FLNB: variants seen among roughly 807,000 people sequenced by gnomAD.
FLNB encodes filamin B.
Under a neutral mutation model 250.6 loss-of-function variants are expected in FLNB, and 111 were observed. The ratio of observed to expected loss-of-function variants is 0.44; its 90% CI spans 0.38 to 0.52. FLNB has a LOEUF of 0.52. Ranked by LOEUF, FLNB falls within the 20% of genes least tolerant of loss-of-function variation. FLNB has a pLI of 0.00. For synonymous variants in FLNB, 1,302 were observed against 1,372.1 expected (o/e 0.95, Z 1.13); for missense variants, 2,869 against 3,447.8 (o/e 0.83, Z 4.20).
At position 58,146,810 on chromosome 3, in the gene FLNB, C is replaced by T. The variant is rs763421830; in HGVS notation, c.5555-10C>T. 2 of 1,614,042 alleles carry T rather than the reference C, an allele frequency of 1.2e-6. No individual in the cohort carries two copies. The highest frequency in any genetic ancestry group is 1.7e-6 in the Non-Finnish European group (2 of 1,180,000). The stretch of plus-strand genomic sequence containing the variant: ...CCCTAACACCCCTGCATCCCTGTTC[C>T]CACTTGTAGGTGGTCTGGACTTGGC... On this transcript the variant is annotated splice_polypyrimidine_tract_variant and intron_variant, in intron 33 of 45. Coordinates refer to ENST00000295956, the MANE Select transcript of FLNB (RefSeq NM_001457.4).
intron 4 of FLNB, among the ~76,000 whole-genome samples, chr3:58,092,385 T>A (rs750403162): frequency 6.6e-6 from 1 of 152,216 alleles, no homozygotes; most frequent in South Asian, 2.1e-4. Context: ...GACTCCCTTC[T>A]GTAATCCCAG....
At chr3:58,104,951 C>T in intron 10 of FLNB, 129 bp from the exon 11 acceptor site, 2 of 1,192,058 alleles carry the variant, frequency 1.7e-6, no homozygotes, top group Non-Finnish European at 2.5e-6. Context: ...AAGGGCTTGG[C>T]TGCAGTTTGG....
chr3:58,060,352 CTTTTT>C (rs138957329), intron 1 of FLNB, among the ~76,000 whole-genome samples: 1 of 136,112 alleles, frequency 7.3e-6, no homozygotes, highest in Non-Finnish European at 1.6e-5. Context: ...CCCTGTCTCT[CTTTTT>C]TTTTTTTTTT....
At chr3:58,117,265 G>A (rs1256537150) in intron 18 of FLNB, among the ~76,000 whole-genome samples, 1 of 152,206 alleles carries the variant, frequency 6.6e-6, no homozygotes, top group Non-Finnish European at 1.5e-5. Flanking sequence ...CATTGTAGGT[G>A]TAAATCTCCG....
chr3:58,108,563 T>C lies in FLNB; in HGVS notation c.2047T>C (p.Phe683Leu). ...KDAGKAPLKI[F>L]AQDGEGQRID... Reference sequence around the variant, plus strand: ...TGCTGGAAAAGCTCCCTTAAAGATATTTGCTCAGGTAAATTTCAGGGGGCC... The same window carrying C: ...TGCTGGAAAAGCTCCCTTAAAGATACTTGCTCAGGTAAATTTCAGGGGGCC... Residue 683 changes from phenylalanine to leucine, a missense_variant, in exon 13 of 46, where the codon TTT (phenylalanine) becomes CTT (leucine). Phe to Leu is a conservative substitution (Grantham distance 22). Coordinates refer to ENST00000295956, the MANE Select transcript of FLNB (RefSeq NM_001457.4). The C allele has an allele frequency of 1.2e-6, 2 of 1,610,806 alleles. No individual in the cohort carries two copies. The highest frequency in any genetic ancestry group is 1.1e-5 in the South Asian group (1 of 91,014).
intron 10 of FLNB, among the ~76,000 whole-genome samples, 154 bp from the exon 11 acceptor site, chr3:58,104,926 G>C (rs1191390844): frequency 6.6e-6 from 1 of 152,228 alleles, no homozygotes; most frequent in East Asian, 1.9e-4. Context: ...CTATGGGTGA[G>C]AGGCCTGCAG....
chr3:58,116,999 TGCTGAGGGTG>T (rs1203456404), intron 18 of FLNB, among the ~76,000 whole-genome samples: 2 of 152,166 alleles, frequency 1.3e-5, no homozygotes, highest in African/African-American at 4.8e-5. Flanking sequence ...AAAGGGATGG[TGCTGAGGGTG>T]GCTCTCTCAG....
chr3:58,051,304 C>T (rs2097161915), intron 1 of FLNB, among the ~76,000 whole-genome samples: 1 of 152,224 alleles, frequency 6.6e-6, no homozygotes, highest in Admixed American at 6.5e-5. Flanking sequence ...CATATTTATT[C>T]CAAGGGACTG....
At chr3:58,126,527 T>G (rs952570503) in intron 23 of FLNB, 75 bp from the exon 24 acceptor site, 2 of 1,434,058 alleles carry the variant, frequency 1.4e-6, no homozygotes, top group African/African-American at 2.8e-5. Context: ...AAAGGGAATT[T>G]GCATGAATTT....
chr3:58,125,566 T>G lies in FLNB; in HGVS notation c.3899-15T>G. The G allele has an allele frequency of 6.2e-7, 1 of 1,614,046 alleles. No individual in the cohort carries two copies. The highest frequency in any genetic ancestry group is 8.5e-7 in the Non-Finnish European group (1 of 1,179,878). The stretch of plus-strand genomic sequence containing the variant: ...TTGTATGCAAATATGCGTTTCTGTT[T>G]GTTGTTTTGAGCAGGTCTCCATGTA... On this transcript the variant is annotated splice_polypyrimidine_tract_variant and intron_variant, in intron 22 of 45. Coordinates refer to ENST00000295956, the MANE Select transcript of FLNB (RefSeq NM_001457.4).
At chr3:58,155,895 T>G in intron 40 of FLNB, 65 bp from the exon 41 acceptor site, 17 of 1,146,924 alleles carry the variant, frequency 1.5e-5, no homozygotes, top group Non-Finnish European at 1.7e-5. Context: ...TAGCCCTTGG[T>G]GAGAAGCAAG....
At chr3:58,086,477 A>G (rs1400668832) in intron 4 of FLNB, among the ~76,000 whole-genome samples, 2 of 152,078 alleles carry the variant, frequency 1.3e-5, no homozygotes, top group African/African-American at 4.8e-5. Flanking sequence ...TTCTATGCTG[A>G]GTTAAACTGT....
At chr3:58,023,065 C>G (rs957047319) in intron 1 of FLNB, among the ~76,000 whole-genome samples, 1 of 150,490 alleles carries the variant, frequency 6.6e-6, no homozygotes, top group Non-Finnish European at 1.5e-5. Context: ...CCACCTGCCT[C>G]GGCCTCCTAA....
chr3:58,109,555 C>T (rs974635299), intron 14 of FLNB, 21 bp from the exon 15 acceptor site: 1 of 1,614,142 alleles, frequency 6.2e-7, no homozygotes, highest in Non-Finnish European at 8.5e-7. Context: ...AACTTGATGA[C>T]CTTCTCCATG....
In FLNB at chr3:58,105,067, C is replaced by T. The variant is rs1363527484; in HGVS notation, c.1611-13C>T. The T allele has an allele frequency of 3.7e-6, 6 of 1,614,226 alleles. No homozygotes were observed. The highest frequency in any genetic ancestry group is 1.6e-4 in the Middle Eastern group (1 of 6,062). ...ACTCTTCTTTGATGCTTCTTCTATT[C>T]CTTTCCCTGTAGCCCCTTTGAAGTT... On this transcript the variant is annotated splice_polypyrimidine_tract_variant and intron_variant, in intron 10 of 45. Transcript: ENST00000295956.
intron 32 of FLNB, among the ~76,000 whole-genome samples, chr3:58,145,675 T>A (rs1472034648): frequency 6.6e-6 from 1 of 152,218 alleles, no homozygotes; most frequent in Non-Finnish European, 1.5e-5. Flanking sequence ...CCCTTCCTCA[T>A]CTGGAGCAGC....
chr3:58,150,487 G>A (rs1019607702), intron 38 of FLNB: 10 of 536,384 alleles, frequency 1.9e-5, no homozygotes, highest in East Asian at 6.7e-5. Flanking sequence ...TGGGGGAAAC[G>A]TAGATATGCT....
intron 29 of FLNB, 103 bp from the exon 30 acceptor site, chr3:58,141,755 C>A: frequency 9.3e-7 from 1 of 1,080,084 alleles, no homozygotes; most frequent in Non-Finnish European, 1.4e-6. Context: ...TGGCTCACTG[C>A]AGTTCAAGAT....
At chr3:58,024,341 T>A (rs1156396925) in intron 1 of FLNB, among the ~76,000 whole-genome samples, 1 of 152,184 alleles carries the variant, frequency 6.6e-6, no homozygotes, top group African/African-American at 2.4e-5. Context: ...TAAAATGATA[T>A]AATCCTGATA....
Sources: gnomAD v4.1 joint callset for allele counts (sites outside exome capture counted in the v4.1 genomes callset) on GRCh38, gnomAD v4.1.1 for gene constraint, MANE v1.5 for transcripts, NCBI Gene and HGNC (gene_info 2026-07-23, HGNC 2026-07-21) for gene names.